The following EIF5A2 variants were observed in gnomAD, a reference collection of about 807,000 sequenced individuals.
EIF5A2 encodes the protein eukaryotic translation initiation factor 5A2.
A neutral mutation model predicts 16.4 loss-of-function variants in EIF5A2; 15 were observed. That is an observed-to-expected ratio of 0.92 (90% CI 0.61 to 1.41). The LOEUF is 1.41. Among genes scored for constraint, EIF5A2 ranks in the 40% most tolerant of loss-of-function variants. The probability of loss-of-function intolerance (pLI) is 0.00; values close to 1 mark genes in which losing one functional copy is unlikely to be tolerated. For missense variants in EIF5A2, 144 were observed against 189.5 expected (o/e 0.76, Z 1.41); for synonymous variants, 48 against 61.1 (o/e 0.79, Z 1.00).
At chr3:170,894,189 G>A (rs1404554224) in intron 4 of EIF5A2, 103 bp downstream of exon 4, 105 of 1,277,140 alleles carry the variant, frequency 8.2e-5, no homozygotes, top group Non-Finnish European at 4.1e-5. Context: ...CATTTTAGCA[G>A]TATTTTTAAA....
At chr3:170,904,709 C>T (rs145671875) in intron 3 of EIF5A2, among the ~76,000 whole-genome samples, 248 of 152,120 alleles carry the variant, frequency 1.6e-3, no homozygotes, top group Non-Finnish European at 2.5e-3. Context: ...CACCACATTG[C>T]CCAGGTTGGA....
intron 3 of EIF5A2, among the ~76,000 whole-genome samples, chr3:170,900,587 G>A (rs1357154938): frequency 6.6e-6 from 1 of 151,914 alleles, no homozygotes. Flanking sequence ...TGGCCAAGAT[G>A]GAACAATGTG....
chr3:170,907,277 G>C (rs1362047380), intron 2 of EIF5A2, among the ~76,000 whole-genome samples, 184 bp from the exon 3 acceptor site: 1 of 152,106 alleles, frequency 6.6e-6, no homozygotes, highest in African/African-American at 2.4e-5. Context: ...CAACTAAACA[G>C]TATCACGACA....
At chr3:170,902,860 C>T (rs1712850897) in intron 3 of EIF5A2, among the ~76,000 whole-genome samples, 1 of 152,058 alleles carries the variant, frequency 6.6e-6, no homozygotes, top group Admixed American at 6.6e-5. Context: ...CCGCCTTGGC[C>T]TCCCAAAGTG....
At chr3:170,905,454 A>G (rs1229099241) in intron 3 of EIF5A2, among the ~76,000 whole-genome samples, 1 of 152,256 alleles carries the variant, frequency 6.6e-6, no homozygotes, top group Non-Finnish European at 1.5e-5. Context: ...AAAGCATTCT[A>G]TATTGAATGA....
chr3:170,908,017 C>T (rs2271998), intron 1 of EIF5A2, among the ~76,000 whole-genome samples, 176 bp from the exon 2 acceptor site: 74,016 of 152,016 alleles, frequency 0.49, 19,764 homozygotes, highest in African/African-American at 0.73. Flanking sequence ...TTTCCAGCTA[C>T]TGCTTGGGGA....
At chr3:170,893,658 G>A (rs1031487592) in intron 4 of EIF5A2, among the ~76,000 whole-genome samples, 5 of 152,238 alleles carry the variant, frequency 3.3e-5, no homozygotes, top group African/African-American at 7.2e-5. Flanking sequence ...CTTACTACCC[G>A]TTACATTTCT....
chr3:170,908,368 G>A (rs916616404), intron 1 of EIF5A2, among the ~76,000 whole-genome samples, 175 bp downstream of exon 1: 2 of 152,158 alleles, frequency 1.3e-5, no homozygotes, highest in Non-Finnish European at 2.9e-5. Context: ...GCTCGGCCCG[G>A]CCCGGCCCCA....
chr3:170,907,764 A>G lies in EIF5A2; in HGVS notation c.43T>C (p.Ser15Pro). 1 of 1,584,140 alleles carries G rather than the reference A, an allele frequency of 6.3e-7. No individual in the cohort carries two copies. The highest frequency in any genetic ancestry group is 2.3e-5 in the East Asian group (1 of 44,158). The stretch of plus-strand genomic sequence containing the variant: ...GAGCACTGCATAGGGTAAGTGCTGG[A>G]AGCCCCGGCATCTCCAGTAGTGAAA... ...IDFTTGDAGASSTYPMQCSAL... is the reference protein window; with the variant it reads ...IDFTTGDAGAPSTYPMQCSAL... The change falls in exon 2 of 5, where the codon TCC (serine) becomes CCC (proline). Residue 15 changes from serine to proline, a missense_variant. Physicochemically the swap from Ser to Pro is moderately conservative, Grantham distance 74. Coordinates refer to ENST00000295822, the MANE Select transcript of EIF5A2 (RefSeq NM_020390.6).
chr3:170,901,934 A>G (rs765423725), intron 3 of EIF5A2, among the ~76,000 whole-genome samples: 33 of 152,134 alleles, frequency 2.2e-4, no homozygotes, highest in Middle Eastern at 3.2e-3. Flanking sequence ...CAGTGATCTG[A>G]GAGACTGAAT....
intron 3 of EIF5A2, among the ~76,000 whole-genome samples, chr3:170,904,653 T>C (rs879297082): frequency 6.6e-6 from 1 of 152,084 alleles, no homozygotes; most frequent in Non-Finnish European, 1.5e-5. Flanking sequence ...TACACCACCA[T>C]GCCTCGCTAA....
chr3:170,905,741 T>C (rs1312020174), intron 3 of EIF5A2, among the ~76,000 whole-genome samples: 3 of 152,228 alleles, frequency 2.0e-5, no homozygotes, highest in East Asian at 1.9e-4. Context: ...TATCTACTTA[T>C]GGAGTTCTTA....
chr3:170,897,223 C>A (rs944829570), intron 3 of EIF5A2, among the ~76,000 whole-genome samples: 9 of 152,306 alleles, frequency 5.9e-5, no homozygotes, highest in Admixed American at 5.2e-4. Flanking sequence ...AAATGTACAT[C>A]CTGACCATGT....
At chr3:170,902,571 T>G (rs190211393) in intron 3 of EIF5A2, among the ~76,000 whole-genome samples, 1 of 150,896 alleles carries the variant, frequency 6.6e-6, no homozygotes, top group East Asian at 2.0e-4. Flanking sequence ...ACCCGGCTAA[T>G]TTTTGTATTT....
In EIF5A2 at chr3:170,893,246, T is replaced by C; in HGVS notation, c.*114A>G. On this transcript the variant is annotated 3_prime_UTR_variant, in exon 5 of 5. Transcript: ENST00000295822. The stretch of plus-strand genomic sequence containing the variant: ...CTAACCCAGCACAATCTGAAAACAA[T>C]TAAAAAAAGAAATGAGGTTGCTTAT... 2.0e-6 allele frequency: 2 copies of C among 1,010,736 alleles called. No homozygotes were observed. Among genetic ancestry groups the C allele is most frequent in the South Asian group, 4.6e-5 (2 of 43,856 alleles). The allele number at this position is 1,010,736 out of a possible 1,614,324, so 62.6% of individuals were successfully genotyped here.
At chr3:170,900,400 T>C (rs1712781429) in intron 3 of EIF5A2, among the ~76,000 whole-genome samples, 1 of 151,102 alleles carries the variant, frequency 6.6e-6, no homozygotes, top group East Asian at 1.9e-4. Flanking sequence ...GAATGGGGTA[T>C]TTTTTATTTC....
At chr3:170,907,227 A>T (rs1320356656) in intron 2 of EIF5A2, 134 bp from the exon 3 acceptor site, 16 of 514,612 alleles carry the variant, frequency 3.1e-5, no homozygotes, top group African/African-American at 1.4e-4. Flanking sequence ...AATTTTACTT[A>T]AAAAAAAATG....
intron 3 of EIF5A2, among the ~76,000 whole-genome samples, chr3:170,899,090 C>CTA (rs1233867363): frequency 6.6e-6 from 1 of 152,108 alleles, no homozygotes; most frequent in East Asian, 1.9e-4. Context: ...GCCAATTGTC[C>CTA]TAGTATTGTC....
At chr3:170,896,356 T>C (rs939045334) in intron 3 of EIF5A2, among the ~76,000 whole-genome samples, 11 of 152,304 alleles carry the variant, frequency 7.2e-5, no homozygotes, top group East Asian at 1.9e-4. Flanking sequence ...ATAATGAGAA[T>C]GAATTATTTA....
Sources: gnomAD v4.1 joint callset for allele counts (sites outside exome capture counted in the v4.1 genomes callset) on GRCh38, gnomAD v4.1.1 for gene constraint, MANE v1.5 for transcripts, NCBI Gene and HGNC (gene_info 2026-07-23, HGNC 2026-07-21) for gene names.